Variants in CNTN1 observed in about 807,000 individuals in gnomAD.
CNTN1 encodes the protein contactin 1, also known as contactin-1.
In CNTN1, 38 loss-of-function variants were observed where a neutral mutation model predicts 126.4. That is an observed-to-expected ratio of 0.30 (90% CI 0.23 to 0.39). The LOEUF (loss-of-function observed/expected upper bound fraction) is 0.39, where lower values mean the gene tolerates loss of function less well. CNTN1 is among the 10% of genes least tolerant of loss of function. The probability of loss-of-function intolerance (pLI) is 1.00; values close to 1 mark genes in which losing one functional copy is unlikely to be tolerated. For synonymous variants in CNTN1, 413 were observed against 422.6 expected (o/e 0.98, Z 0.28); for missense variants, 1,009 against 1,248.4 (o/e 0.81, Z 2.89).
intron 1 of CNTN1, among the ~76,000 whole-genome samples, chr12:40,805,345 T>G (rs1226128251): frequency 1.3e-5 from 2 of 152,080 alleles, no homozygotes; most frequent in African/African-American, 4.8e-5. Flanking sequence ...GCACTATGTT[T>G]TTCTCCCCAT....
At chr12:41,001,844 C>T (rs1455133602) in intron 17 of CNTN1, among the ~76,000 whole-genome samples, 14 of 152,192 alleles carry the variant, frequency 9.2e-5, no homozygotes, top group African/African-American at 2.4e-5. Flanking sequence ...CTGCATATGG[C>T]TTGCCAGTTA....
intron 1 of CNTN1, chr12:40,828,430 C>T (rs1407637232): frequency 1.3e-5 from 2 of 152,064 alleles, no homozygotes; most frequent in Non-Finnish European, 2.9e-5. Context: ...TCAGGACTCT[C>T]AATTGTTACG....
intron 1 of CNTN1, among the ~76,000 whole-genome samples, chr12:40,790,493 G>A (rs1001648310): frequency 3.9e-5 from 6 of 152,012 alleles, no homozygotes; most frequent in African/African-American, 7.2e-5. Flanking sequence ...TTTTCTCTGC[G>A]CATCACTATC....
intron 6 of CNTN1, among the ~76,000 whole-genome samples, chr12:40,928,987 C>G (rs1329072976): frequency 1.3e-5 from 2 of 151,882 alleles, no homozygotes; most frequent in East Asian, 3.9e-4. Context: ...TTTATGTGAT[C>G]AAGATGTTTT....
chr12:40,905,372 C>T (rs1944771096), intron 1 of CNTN1, among the ~76,000 whole-genome samples: 1 of 152,136 alleles, frequency 6.6e-6, no homozygotes, highest in South Asian at 2.1e-4. Context: ...AAGAAGCAAA[C>T]TTTCACAGAA....
chr12:40,898,941 A>AC (rs772426984), intron 1 of CNTN1, among the ~76,000 whole-genome samples: 19 of 152,232 alleles, frequency 1.2e-4, no homozygotes, highest in Non-Finnish European at 2.6e-4. Context: ...AGAACGACTT[A>AC]GAGTGGAACC....
intron 1 of CNTN1, among the ~76,000 whole-genome samples, chr12:40,749,288 C>A (rs1938301693): frequency 6.6e-6 from 1 of 152,086 alleles, no homozygotes; most frequent in African/African-American, 2.4e-5. Flanking sequence ...ACTGAATGTA[C>A]AGTAAACAGC....
chr12:40,975,701 A>G (rs751122554), intron 15 of CNTN1, among the ~76,000 whole-genome samples: 1 of 152,178 alleles, frequency 6.6e-6, no homozygotes, highest in Non-Finnish European at 1.5e-5. Context: ...AGAATAGTCC[A>G]TAGAGGCAGC....
At chr12:40,797,162 G>T (rs1940469902) in intron 1 of CNTN1, among the ~76,000 whole-genome samples, 2 of 152,026 alleles carry the variant, frequency 1.3e-5, no homozygotes, top group African/African-American at 4.8e-5. Context: ...GAGGGTAAGT[G>T]AGACAAATGT....
chr12:40,742,111 G>A (rs944599776), intron 1 of CNTN1, among the ~76,000 whole-genome samples: 5 of 151,972 alleles, frequency 3.3e-5, no homozygotes, highest in Admixed American at 2.6e-4. Context: ...TCACATTACA[G>A]TGGGATTTTG....
chr12:40,868,265 G>T (rs1488528745), intron 1 of CNTN1, among the ~76,000 whole-genome samples: 1 of 152,032 alleles, frequency 6.6e-6, no homozygotes, highest in Non-Finnish European at 1.5e-5. Context: ...TGAATGCTAA[G>T]TTTTCTCTAT....
At chr12:40,933,943 A>G in intron 9 of CNTN1, 65 bp downstream of exon 9, 4 of 1,199,586 alleles carry the variant, frequency 3.3e-6, no homozygotes, top group South Asian at 1.3e-5. Context: ...ATTTCCATAC[A>G]TGAAAAACTA....
At chr12:40,978,897 A>C (rs1361824598) in intron 15 of CNTN1, 1 of 152,196 alleles carries the variant, frequency 6.6e-6, no homozygotes, top group East Asian at 1.9e-4. Context: ...TGCATGCATT[A>C]CAGGGCTTTT....
At chr12:40,770,451 A>G (rs1939292555) in intron 1 of CNTN1, among the ~76,000 whole-genome samples, 1 of 152,164 alleles carries the variant, frequency 6.6e-6, no homozygotes, top group African/African-American at 2.4e-5. Flanking sequence ...GCATATATAA[A>G]TGGAATCAGA....
intron 15 of CNTN1, among the ~76,000 whole-genome samples, chr12:40,960,241 TG>T (rs1947058883): frequency 6.6e-6 from 1 of 152,026 alleles, no homozygotes; most frequent in Non-Finnish European, 1.5e-5. Flanking sequence ...TTTTAGTGAA[TG>T]GCAGAGTTCC....
chr12:40,975,906 T>C (rs1947658077), intron 15 of CNTN1, among the ~76,000 whole-genome samples: 2 of 152,102 alleles, frequency 1.3e-5, no homozygotes, highest in African/African-American at 2.4e-5. Context: ...CTGTGAGCAT[T>C]TGAAAGAATC....
intron 1 of CNTN1, among the ~76,000 whole-genome samples, chr12:40,730,975 G>A (rs1416910563): frequency 4.6e-5 from 7 of 151,770 alleles, no homozygotes; most frequent in Admixed American, 2.6e-4. Flanking sequence ...ATTATGCAAC[G>A]GGCATAGTAA....
intron 1 of CNTN1, among the ~76,000 whole-genome samples, chr12:40,781,827 G>A (rs376886850): frequency 5.3e-5 from 8 of 151,838 alleles, no homozygotes; most frequent in African/African-American, 1.2e-4. Context: ...TTTATTTAAC[G>A]CATGTTTATA....
At chr12:40,799,618 T>A (rs11832835) in intron 1 of CNTN1, among the ~76,000 whole-genome samples, 35,343 of 151,922 alleles carry the variant, frequency 0.23, 4,490 homozygotes, top group African/African-American at 0.33. Context: ...GCTAAATTCA[T>A]CAGCCAGTCA....
Sources: gnomAD v4.1 joint callset for allele counts (sites outside exome capture counted in the v4.1 genomes callset) on GRCh38, gnomAD v4.1.1 for gene constraint, MANE v1.5 for transcripts, NCBI Gene and HGNC (gene_info 2026-07-23, HGNC 2026-07-21) for gene names.